The following HIPK2 variants were observed in gnomAD, a reference collection of about 807,000 sequenced individuals.
The protein encoded by HIPK2 is homeodomain interacting protein kinase 2.
A neutral mutation model predicts 113.7 loss-of-function variants in HIPK2; 27 were observed. That is an observed-to-expected ratio of 0.24 (90% confidence interval 0.17 to 0.33). HIPK2 has a LOEUF of 0.33. Ranked by LOEUF, HIPK2 falls within the 10% of genes least tolerant of loss-of-function variation. The pLI, the probability that HIPK2 is intolerant of heterozygous loss-of-function variation, is 1.00. For missense variants in HIPK2, 1,257 were observed against 1,588.0 expected (o/e 0.79, Z 3.54); for synonymous variants, 631 against 642.2 (o/e 0.98, Z 0.26).
At position 139,631,047 on chromosome 7, in the gene HIPK2, C is replaced by T. The variant is rs1206379284; in HGVS notation, c.1347+118G>A. Reference sequence around the variant, plus strand: ...ATTCAGCCATACCATGTATTAACAACAGCACCCCCAGTGCCCTCATTTTGC... The same window carrying T: ...ATTCAGCCATACCATGTATTAACAATAGCACCCCCAGTGCCCTCATTTTGC... On this transcript the variant is annotated intron_variant, in intron 4 of 14. Transcript: ENST00000406875. This position sits in a 1 kb window ranked among gnomAD's most constrained non-coding sequence, Gnocchi z 4.9. 8 of 1,341,820 alleles carry T rather than the reference C, an allele frequency of 6.0e-6. No individual in the cohort carries two copies. Among genetic ancestry groups the T allele is most frequent in the Non-Finnish European group, 8.0e-6 (8 of 1,000,218 alleles). The allele number at this position is 1,341,820 out of a possible 1,614,324, so 83.1% of individuals were successfully genotyped here. A position where few individuals can be genotyped will look rare whatever the true frequency, so the allele number is the denominator to read the frequency against.
chr7:139,768,822 G>A lies in HIPK2; in HGVS notation c.19+8783C>T, dbSNP rs549685193. Among the ~76,000 whole-genome samples the A allele has an allele frequency of 3.9e-5, 6 of 152,276 alleles. No individual in the cohort carries two copies. In the South Asian group the frequency reaches 1.0e-3, roughly 26 times the overall value. ...AGTGCAGCCTAGCAAAGCTCCACTC[G>A]GCATTCTGGAGTGTTCTGGGGCTTC... On this transcript the variant is annotated intron_variant, in intron 1 of 14. Transcript: ENST00000406875.
At chr7:139,770,596 T>C (rs914325771) in intron 1 of HIPK2, among the ~76,000 whole-genome samples, 3 of 152,218 alleles carry the variant, frequency 2.0e-5, no homozygotes, top group African/African-American at 7.2e-5. Context: ...TCGTAGTCAA[T>C]GTCATGGAAG....
chr7:139,642,795 T>C (rs549302843), intron 2 of HIPK2, among the ~76,000 whole-genome samples: 2 of 152,320 alleles, frequency 1.3e-5, no homozygotes, highest in South Asian at 2.1e-4. Context: ...GGCCCACCCA[T>C]TGCGCTGGCT....
intron 2 of HIPK2, among the ~76,000 whole-genome samples, chr7:139,633,008 A>G (rs900207700): frequency 6.4e-5 from 9 of 139,764 alleles, no homozygotes; most frequent in Admixed American, 3.0e-4. Flanking sequence ...AGGCGGGAGG[A>G]TTGCTTGGAC....
rs180987027 is a variant in HIPK2 at position 139,728,458 on chromosome 7, C to T, written c.20-11443G>A. Among the ~76,000 whole-genome samples the T allele has an allele frequency of 2.8e-3, 423 of 152,248 alleles. 2 individuals carry two copies. The highest frequency in any genetic ancestry group is 9.5e-3 in the African/African-American group (396 of 41,554). On this transcript the variant is annotated intron_variant, in intron 1 of 14. Transcript: ENST00000406875. ...GAAGGGTCTGTTCTAGGCCTCCCTC[C>T]TTGGCTCACTGATGACTGTCTTCTC...
At position 139,603,954 on chromosome 7, in the gene HIPK2, A is replaced by C. The variant is rs1799526983; in HGVS notation, c.2255+127T>G. On this transcript the variant is annotated intron_variant, in intron 10 of 14. Coordinates refer to ENST00000406875, the MANE Select transcript of HIPK2 (RefSeq NM_022740.5). ...CTCATAGTCCACACAATATTTTTAG[A>C]AGCTTTAAAAAGCTCTCTACAAACC... The C allele has an allele frequency of 8.8e-6, 11 of 1,245,272 alleles. No homozygotes were observed. In the South Asian group the frequency reaches 1.4e-4, roughly 16 times the overall value. The allele number at this position is 1,245,272 out of a possible 1,614,324, so 77.1% of individuals were successfully genotyped here. A position where few individuals can be genotyped will look rare whatever the true frequency, so the allele number is the denominator to read the frequency against.
Position 139,572,016 on chromosome 7 carries a change from C to A in HIPK2, c.*911G>T, listed in dbSNP as rs1340990468. 1.3e-5 allele frequency: 2 copies of A among 152,242 alleles called. No homozygotes were observed. The highest frequency in any genetic ancestry group is 4.8e-5 in the African/African-American group (2 of 41,456). The allele number at this position is 152,242 out of a possible 1,614,324, so 9.4% of individuals were successfully genotyped here. On this transcript the variant is annotated 3_prime_UTR_variant, in exon 15 of 15. Coordinates refer to ENST00000406875, the MANE Select transcript of HIPK2 (RefSeq NM_022740.5). ...TTGGAGTTGAACACAAGGTAGGAGA[C>A]AAGGGTGCTGAGTGCTACATTCTAC...
chr7:139,723,620 C>T (rs996131431), intron 1 of HIPK2, among the ~76,000 whole-genome samples: 1 of 152,148 alleles, frequency 6.6e-6, no homozygotes, highest in East Asian at 1.9e-4. Flanking sequence ...TGAAAAGTTG[C>T]TTCATATCTG....
chr7:139,677,861 C>A (rs1802556460), intron 2 of HIPK2, among the ~76,000 whole-genome samples: 1 of 152,212 alleles, frequency 6.6e-6, no homozygotes, highest in Admixed American at 6.5e-5. Flanking sequence ...TCCTATTTCT[C>A]CACATCCTCT....
At chr7:139,670,747 CTTTCTTTCTTTCTTTT>C (rs1167124573) in intron 2 of HIPK2, among the ~76,000 whole-genome samples, 12 of 74,784 alleles carry the variant, frequency 1.6e-4, no homozygotes, top group East Asian at 6.6e-4. Context: ...TTCTTTCTTT[CTTTCTTTCTTTCTTTT>C]TTTTTTTTTT....
intron 2 of HIPK2, among the ~76,000 whole-genome samples, chr7:139,684,873 GAGA>G (rs771046263): frequency 3.0e-4 from 46 of 152,274 alleles, no homozygotes; most frequent in Non-Finnish European, 5.9e-4. Flanking sequence ...TGCTGATATG[GAGA>G]AGGTTTTTTA....
intron 1 of HIPK2, among the ~76,000 whole-genome samples, chr7:139,722,878 T>C (rs988686829): frequency 1.3e-5 from 2 of 152,046 alleles, no homozygotes; most frequent in African/African-American, 4.8e-5. Flanking sequence ...TTTTTTTTTT[T>C]TGGGACAGGA....
At chr7:139,656,272 G>A (rs1389716247) in intron 2 of HIPK2, among the ~76,000 whole-genome samples, 1 of 152,092 alleles carries the variant, frequency 6.6e-6, no homozygotes, top group Non-Finnish European at 1.5e-5. Flanking sequence ...GCCTCAAAGT[G>A]AAGTCATCAT....
Position 139,613,122 on chromosome 7 carries a change from G to T in HIPK2, c.2112+80C>A. 1 of 1,528,532 alleles carries T rather than the reference G, an allele frequency of 6.5e-7. No homozygotes were observed. The highest frequency in any genetic ancestry group is 8.9e-7 in the Non-Finnish European group (1 of 1,118,594). The allele number at this position is 1,528,532 out of a possible 1,614,324, so 94.7% of individuals were successfully genotyped here. ...CCTAACTCATTACTAGGGAGAGAGG[G>T]AGTGGAGATATATATCTTTTGTGAA... On this transcript the variant is annotated intron_variant, in intron 9 of 14. Coordinates refer to ENST00000406875, the MANE Select transcript of HIPK2 (RefSeq NM_022740.5). The surrounding 1 kb of genome is among the most constrained non-coding windows in gnomAD (Gnocchi z 4.2).
In HIPK2 at chr7:139,567,272, A is replaced by G. The variant is rs1027203541; in HGVS notation, c.*5655T>C. On this transcript the variant is annotated 3_prime_UTR_variant, in exon 15 of 15. Coordinates refer to ENST00000406875, the MANE Select transcript of HIPK2 (RefSeq NM_022740.5). ...TGGCAGCCCTGCTTTGCTCTCTCCC[A>G]TGGTGGCCTGGGATTAGTCAAGCCC... 6.6e-6 allele frequency: 1 copy of G among 152,062 alleles called. No homozygotes were observed. Among genetic ancestry groups the G allele is most frequent in the Non-Finnish European group, 1.5e-5 (1 of 67,998 alleles). 9.4% of individuals were successfully genotyped at this position (152,062 alleles called of 1,614,324 possible).
intron 2 of HIPK2, among the ~76,000 whole-genome samples, chr7:139,708,656 T>G (rs1262478303): frequency 1.3e-5 from 2 of 152,250 alleles, no homozygotes; most frequent in Non-Finnish European, 2.9e-5. Context: ...CGTCTGCACC[T>G]GGGCCCTCTG....
At chr7:139,633,382 C>T (rs1241258036) in intron 2 of HIPK2, among the ~76,000 whole-genome samples, 1 of 152,114 alleles carries the variant, frequency 6.6e-6, no homozygotes, top group Non-Finnish European at 1.5e-5. Context: ...TTTTTCTCTA[C>T]TGAAAAAGTA....
rs141409278 is a variant in HIPK2, at chr7:139,645,667, A to C, written c.1104-13942T>G. 1.4e-4 allele frequency among the ~76,000 whole-genome samples: 22 copies of C among 152,246 alleles called. 1 individual carries two copies. The East Asian group carries it at 4.3e-3, about 29-fold the overall frequency. On this transcript the variant is annotated intron_variant, in intron 2 of 14. Coordinates refer to ENST00000406875, the MANE Select transcript of HIPK2 (RefSeq NM_022740.5). Reference sequence around the variant, plus strand: ...TAAGCAGGCAGGTGTGAGTGCGGTGAGGGGAGCCAGGTGGATGAGGCTGGC... The same window carrying C: ...TAAGCAGGCAGGTGTGAGTGCGGTGCGGGGAGCCAGGTGGATGAGGCTGGC...
Position 139,613,153 on chromosome 7 carries a change from T to C in HIPK2, c.2112+49A>G, listed in dbSNP as rs373989638. 1.1e-5 allele frequency: 17 copies of C among 1,607,600 alleles called. No individual in the cohort carries two copies. In the African/African-American group the frequency reaches 2.0e-4, roughly 19 times the overall value. On this transcript the variant is annotated intron_variant, in intron 9 of 14. Coordinates refer to ENST00000406875, the MANE Select transcript of HIPK2 (RefSeq NM_022740.5). This position sits in a 1 kb window ranked among gnomAD's most constrained non-coding sequence, Gnocchi z 4.2. ...AGATATATATCTTTTGTGAACAACA[T>C]TAACACAGGTAATGGTAATACCAGT... is the stretch of plus-strand genomic sequence containing the variant.
Sources: gnomAD v4.1 joint callset for allele counts (sites outside exome capture counted in the v4.1 genomes callset) on GRCh38, gnomAD v4.1.1 for gene constraint, Gnocchi (gnomAD v3.1) non-coding constraint, MANE v1.5 for transcripts, NCBI Gene and HGNC (gene_info 2026-07-23, HGNC 2026-07-21) for gene names.